The following BRINP3 variants were observed in gnomAD, a reference collection of about 807,000 sequenced individuals.
The protein encoded by BRINP3 is BMP/retinoic acid-inducible neural-specific protein 3.
BRINP3 carries 19 observed loss-of-function variants against 71.0 expected under a neutral mutation model. The observed-to-expected ratio is 0.27, with a 90% CI of 0.19 to 0.39. The LOEUF (loss-of-function observed/expected upper bound fraction) is 0.39. Among genes scored for constraint, BRINP3 ranks in the 10% least tolerant of loss-of-function variants. The pLI, the probability that BRINP3 is intolerant of heterozygous loss-of-function variation, is 1.00. For missense variants in BRINP3, 959 were observed against 940.8 expected (o/e 1.02, Z -0.25); for synonymous variants, 380 against 337.7 (o/e 1.13, Z -1.37).
chr1:190,477,257 G>A (rs1429918501), intron 1 of BRINP3, among the ~76,000 whole-genome samples, 191 bp downstream of exon 1: 2 of 151,998 alleles, frequency 1.3e-5, no homozygotes, highest in Non-Finnish European at 2.9e-5. Flanking sequence ...GGGATATTGG[G>A]GTAATACATT....
At chr1:190,470,923 T>A (rs941431521) in intron 1 of BRINP3, among the ~76,000 whole-genome samples, 1 of 151,216 alleles carries the variant, frequency 6.6e-6, no homozygotes, top group African/African-American at 2.4e-5. Flanking sequence ...TTAGTTATTT[T>A]GAGTATGAAA....
At chr1:190,101,531 T>G (rs777228919) in intron 7 of BRINP3, among the ~76,000 whole-genome samples, 4 of 152,168 alleles carry the variant, frequency 2.6e-5, no homozygotes, top group Non-Finnish European at 5.9e-5. Flanking sequence ...CTCAATCACA[T>G]TCTTTCCTCC....
chr1:190,177,070 T>C (rs142780800), intron 6 of BRINP3, among the ~76,000 whole-genome samples: 6 of 152,178 alleles, frequency 3.9e-5, no homozygotes, highest in Non-Finnish European at 5.9e-5. Context: ...CTGACATATT[T>C]TTTTGCTACA....
chr1:190,270,567 G>A (rs1264338460), intron 3 of BRINP3, among the ~76,000 whole-genome samples: 1 of 151,550 alleles, frequency 6.6e-6, no homozygotes, highest in African/African-American at 2.4e-5. Context: ...ATAGTAGTAC[G>A]GTTTTATGCA....
chr1:190,443,946 C>A (rs930091926), intron 2 of BRINP3, among the ~76,000 whole-genome samples: 1 of 151,992 alleles, frequency 6.6e-6, no homozygotes, highest in Non-Finnish European at 1.5e-5. Context: ...AAAACATGAA[C>A]AGTCAGCCAG....
intron 7 of BRINP3, among the ~76,000 whole-genome samples, chr1:190,102,448 A>C (rs1379072918): frequency 6.6e-6 from 1 of 152,164 alleles, no homozygotes; most frequent in Non-Finnish European, 1.5e-5. Context: ...TTATTCATGT[A>C]TACACATTGG....
Position 190,318,070 on chromosome 1 carries a change from C to G in BRINP3, c.237-36320G>C, listed in dbSNP as rs542518835. Among the ~76,000 whole-genome samples, 55 of 151,984 alleles carry G rather than the reference C, an allele frequency of 3.6e-4. 1 individual carries two copies. Among genetic ancestry groups the G allele is most frequent in the Admixed American group, 2.6e-4 (4 of 15,230 alleles). ...AAGAAGCAAATCAGATACACCTTTC[C>G]TCTTTCTTTATATTGGTAAATAATT... On this transcript the variant is annotated intron_variant, in intron 2 of 7. Coordinates refer to ENST00000367462, the MANE Select transcript of BRINP3 (RefSeq NM_199051.3).
At chr1:190,250,150 T>C (rs1660001667) in intron 4 of BRINP3, among the ~76,000 whole-genome samples, 1 of 151,930 alleles carries the variant, frequency 6.6e-6, no homozygotes, top group Non-Finnish European at 1.5e-5. Context: ...ATAGAAATTC[T>C]ATGCCAAGCA....
chr1:190,340,566 G>C lies in BRINP3; in HGVS notation c.237-58816C>G, dbSNP rs139991658. Among the ~76,000 whole-genome samples the C allele has an allele frequency of 3.3e-5, 5 of 151,878 alleles. No homozygotes were observed. In the East Asian group the frequency reaches 9.7e-4, roughly 30 times the overall value. On this transcript the variant is annotated intron_variant, in intron 2 of 7. Coordinates refer to ENST00000367462, the MANE Select transcript of BRINP3 (RefSeq NM_199051.3). ...CCCAATCTTTCTAATATTTCAGATT[G>C]ACCAAGCAAGTCTGTGTTCCTGACA...
At chr1:190,273,898 C>A (rs1043727452) in intron 3 of BRINP3, among the ~76,000 whole-genome samples, 1 of 151,564 alleles carries the variant, frequency 6.6e-6, no homozygotes, top group African/African-American at 2.4e-5. Context: ...CAACTACTTA[C>A]AACACCATCA....
intron 6 of BRINP3, among the ~76,000 whole-genome samples, chr1:190,170,595 A>G (rs1385444881): frequency 6.6e-6 from 1 of 152,166 alleles, no homozygotes; most frequent in Non-Finnish European, 1.5e-5. Context: ...CATATGTTTT[A>G]CAATTCTAAG....
At chr1:190,252,466 G>A (rs961646125) in intron 4 of BRINP3, among the ~76,000 whole-genome samples, 1 of 152,044 alleles carries the variant, frequency 6.6e-6, no homozygotes, top group Non-Finnish European at 1.5e-5. Flanking sequence ...AGAAATATGA[G>A]GATATAGAAA....
intron 6 of BRINP3, among the ~76,000 whole-genome samples, chr1:190,192,723 T>C (rs1194108648): frequency 2.0e-5 from 3 of 151,886 alleles, no homozygotes. Context: ...GAAAAAAATA[T>C]TAAACTGTGA....
intron 2 of BRINP3, among the ~76,000 whole-genome samples, chr1:190,333,707 C>A (rs999690712): frequency 6.6e-6 from 1 of 151,824 alleles, no homozygotes; most frequent in African/African-American, 2.4e-5. Flanking sequence ...TAGAAATTAC[C>A]TTAACAACAT....
At chr1:190,261,121 T>C (rs1012732705) in intron 4 of BRINP3, among the ~76,000 whole-genome samples, 1 of 152,200 alleles carries the variant, frequency 6.6e-6, no homozygotes, top group East Asian at 1.9e-4. Context: ...TGACATAATA[T>C]GTCAGGTGAT....
chr1:190,212,859 G>A (rs1295492235), intron 6 of BRINP3, among the ~76,000 whole-genome samples: 1 of 152,100 alleles, frequency 6.6e-6, no homozygotes, highest in African/African-American at 2.4e-5. Flanking sequence ...CCTGTGGTGG[G>A]CACGTAATGT....
rs16832320 is a variant in BRINP3, at chr1:190,426,212, A to T, written c.236+28443T>A. Among the ~76,000 whole-genome samples, 177 of 151,932 alleles carry T rather than the reference A, an allele frequency of 1.2e-3. 6 individuals are homozygous for T. In the East Asian group the frequency reaches 0.032, roughly 28 times the overall value. Reference sequence around the variant, plus strand: ...CTAAGTGAAGAAGTAAAATTTTCCCAGTCTCACCTTTATGTAGACTACATG... The same window carrying T: ...CTAAGTGAAGAAGTAAAATTTTCCCTGTCTCACCTTTATGTAGACTACATG... On this transcript the variant is annotated intron_variant, in intron 2 of 7. Coordinates refer to ENST00000367462, the MANE Select transcript of BRINP3 (RefSeq NM_199051.3).
chr1:190,103,557 A>G (rs1237725854), intron 7 of BRINP3, among the ~76,000 whole-genome samples: 1 of 152,050 alleles, frequency 6.6e-6, no homozygotes, highest in African/African-American at 2.4e-5. Context: ...GAGAACTATT[A>G]CGTATACACA....
At chr1:190,106,042 A>G (rs1652133000) in intron 7 of BRINP3, among the ~76,000 whole-genome samples, 1 of 151,938 alleles carries the variant, frequency 6.6e-6, no homozygotes, top group South Asian at 2.1e-4. Flanking sequence ...AAAAAGGTTT[A>G]AAAAGTATTA....
Sources: allele counts gnomAD v4.1 joint callset (sites outside exome capture counted in the v4.1 genomes callset), GRCh38; gene constraint gnomAD v4.1.1; transcripts MANE v1.5; gene names NCBI Gene and HGNC (gene_info 2026-07-23, HGNC 2026-07-21).